Variants in GLIS3 observed in about 807,000 individuals in gnomAD.
GLIS3 encodes GLIS family zinc finger 3, also known as zinc finger protein GLIS3.
Under a neutral mutation model 78.6 loss-of-function variants are expected in GLIS3, and 53 were observed. The observed-to-expected ratio is 0.67, with a 90% CI of 0.54 to 0.85. The LOEUF (loss-of-function observed/expected upper bound fraction) is 0.85. Among genes scored for constraint, GLIS3 ranks in the 40% least tolerant of loss-of-function variants. The pLI is 0.00. For synonymous variants in GLIS3, 684 were observed against 509.9 expected (o/e 1.34, Z -4.60); for missense variants, 1,703 against 1,231.1 (o/e 1.38, Z -5.74).
chr9:4,257,171 A>C (rs1825033340), intron 2 of GLIS3, among the ~76,000 whole-genome samples: 1 of 152,232 alleles, frequency 6.6e-6, no homozygotes, highest in Non-Finnish European at 1.5e-5. Context: ...TTTAAAAGAA[A>C]GGGATACTGC....
intron 1 of GLIS3, among the ~76,000 whole-genome samples, chr9:4,287,158 G>C (rs35227908): frequency 0.089 from 13,476 of 152,150 alleles, 661 homozygotes; most frequent in African/African-American, 0.14. Context: ...CTGAGTTATG[G>C]GGATGGGAAG....
intron 4 of GLIS3, among the ~76,000 whole-genome samples, chr9:4,075,559 G>C (rs1827975888): frequency 6.6e-6 from 1 of 152,174 alleles, no homozygotes. Flanking sequence ...CTGGATGACA[G>C]AGCGAGACTC....
chr9:4,329,147 G>T (rs1817646449), intron 2 of GLIS3, among the ~76,000 whole-genome samples: 1 of 152,250 alleles, frequency 6.6e-6, no homozygotes, highest in East Asian at 1.9e-4. Context: ...TGAGATCGAA[G>T]AATTTTCTAC....
At chr9:4,464,071 C>A in the GLIS3 span, among the ~76,000 whole-genome samples, 1 of 152,088 alleles carries the variant, frequency 6.6e-6, no homozygotes, top group Non-Finnish European at 1.5e-5. Context: ...GGTACACTGG[C>A]AAATCATTGA....
chr9:4,354,545 C>A, the GLIS3 span, among the ~76,000 whole-genome samples: 6 of 152,164 alleles, frequency 3.9e-5, no homozygotes, highest in Admixed American at 2.0e-4. Context: ...CCACGTGACC[C>A]ATCTTATTCA....
chr9:3,967,609 C>G (rs1007149079), intron 4 of GLIS3, among the ~76,000 whole-genome samples: 1 of 152,224 alleles, frequency 6.6e-6, no homozygotes, highest in African/African-American at 2.4e-5. Context: ...ACACAGGACA[C>G]ATGCCTGAAT....
intron 4 of GLIS3, among the ~76,000 whole-genome samples, chr9:4,003,798 G>A (rs866614266): frequency 1.2e-4 from 18 of 152,212 alleles, no homozygotes; most frequent in Admixed American, 3.3e-4. Context: ...AAGTGTCAAT[G>A]AAGACAGACG....
chr9:4,014,917 C>G (rs1220178503), intron 4 of GLIS3, among the ~76,000 whole-genome samples: 1 of 152,186 alleles, frequency 6.6e-6, no homozygotes, highest in Non-Finnish European at 1.5e-5. Flanking sequence ...TCACTGAGCT[C>G]TTTCTGAGGT....
chr9:4,206,732 G>T (rs139512777), intron 2 of GLIS3, among the ~76,000 whole-genome samples: 1 of 152,270 alleles, frequency 6.6e-6, no homozygotes, highest in African/African-American at 2.4e-5. Flanking sequence ...TTGTGGTAAC[G>T]GTTTGAATGA....
intron 2 of GLIS3, among the ~76,000 whole-genome samples, chr9:4,162,631 G>A (rs140100498): frequency 0.042 from 6,327 of 152,060 alleles, 190 homozygotes; most frequent in Middle Eastern, 0.1. Context: ...AGGCCGAGGT[G>A]GGCAGATCAC....
chr9:4,257,985 C>G (rs1246924803), intron 2 of GLIS3, among the ~76,000 whole-genome samples: 1 of 151,842 alleles, frequency 6.6e-6, no homozygotes, highest in African/African-American at 2.4e-5. Flanking sequence ...AAATTTCTAC[C>G]AAGCTAATAT....
At chr9:4,106,519 A>G (rs1434985700) in intron 4 of GLIS3, among the ~76,000 whole-genome samples, 1 of 152,180 alleles carries the variant, frequency 6.6e-6, no homozygotes, top group African/African-American at 2.4e-5. Context: ...TATTATAAAG[A>G]GCCAGGCAAT....
intron 2 of GLIS3, among the ~76,000 whole-genome samples, chr9:4,312,080 G>A (rs769906020): frequency 6.6e-6 from 1 of 152,166 alleles, no homozygotes; most frequent in Non-Finnish European, 1.5e-5. Context: ...CAACAAACCC[G>A]CATGACATGA....
chr9:4,379,470 C>G, the GLIS3 span, among the ~76,000 whole-genome samples: 4 of 152,204 alleles, frequency 2.6e-5, no homozygotes, highest in Admixed American at 1.3e-4. Context: ...AGATTGACAA[C>G]ATTAGTCCCT....
chr9:4,371,134 T>C, the GLIS3 span, among the ~76,000 whole-genome samples: 1 of 152,230 alleles, frequency 6.6e-6, no homozygotes, highest in Non-Finnish European at 1.5e-5. Context: ...TTTTTAAAAA[T>C]GCATGCATAA....
chr9:4,016,593 G>C (rs1482453969), intron 4 of GLIS3, among the ~76,000 whole-genome samples: 1 of 152,168 alleles, frequency 6.6e-6, no homozygotes, highest in Non-Finnish European at 1.5e-5. Context: ...TCTGCCTTGA[G>C]ATTTCTGAGC....
chr9:4,298,128 G>A (rs966924676), intron 1 of GLIS3, among the ~76,000 whole-genome samples: 11 of 152,112 alleles, frequency 7.2e-5, no homozygotes, highest in South Asian at 2.1e-4. Context: ...GTGAGTCGGG[G>A]GCCGAAAGGG....
chr9:4,313,041 C>T (rs1197182447), intron 2 of GLIS3, among the ~76,000 whole-genome samples: 3 of 152,288 alleles, frequency 2.0e-5, no homozygotes, highest in South Asian at 4.2e-4. Flanking sequence ...AGAGTCTGTC[C>T]TTTTAGCACT....
chr9:4,415,486 G>C, the GLIS3 span, among the ~76,000 whole-genome samples: 7 of 152,284 alleles, frequency 4.6e-5, no homozygotes, highest in Admixed American at 4.6e-4. Context: ...ACACTACAGA[G>C]GCATTTTGTT....
Sources: allele counts gnomAD v4.1 joint callset (sites outside exome capture counted in the v4.1 genomes callset), GRCh38; gene constraint gnomAD v4.1.1; transcripts MANE v1.5; gene names NCBI Gene and HGNC (gene_info 2026-07-23, HGNC 2026-07-21).